The following NEURL1B variants were observed in gnomAD, a reference collection of about 807,000 sequenced individuals.
NEURL1B encodes E3 ubiquitin-protein ligase NEURL1B.
NEURL1B carries 13 observed loss-of-function variants against 37.4 expected under a neutral mutation model. The ratio of observed to expected loss-of-function variants is 0.35; its 90% CI spans 0.23 to 0.55. The LOEUF (loss-of-function observed/expected upper bound fraction) is 0.55, where lower values mean the gene tolerates loss of function less well. NEURL1B is among the 20% of genes least tolerant of loss of function. NEURL1B has a pLI of 0.89. For missense variants in NEURL1B, 790 were observed against 879.2 expected (o/e 0.90, Z 1.28); for synonymous variants, 432 against 426.6 (o/e 1.01, Z -0.16).
chr5:172,641,557 G>T lies in NEURL1B; in HGVS notation c.31+120G>T. 1.1e-6 allele frequency: 1 copy of T among 883,112 alleles called. No individual in the cohort carries two copies. The allele number at this position is 883,112 out of a possible 1,614,324, so 54.7% of individuals were successfully genotyped here. On this transcript the variant is annotated intron_variant, in intron 1 of 4. Transcript: ENST00000369800. This position sits in a 1 kb window ranked among gnomAD's most constrained non-coding sequence, Gnocchi z 6.4. Reference sequence around the variant, plus strand: ...GGAGCCCTCGGCTCGCAGCGGGCTGGAGTCTCCGGTACCTCCCGGACCTCA... The same window carrying T: ...GGAGCCCTCGGCTCGCAGCGGGCTGTAGTCTCCGGTACCTCCCGGACCTCA...
At position 172,687,209 on chromosome 5, in the gene NEURL1B, T is replaced by A. The variant is rs1184107862; in HGVS notation, c.*284T>A. The A allele has an allele frequency of 2.9e-6, 1 of 346,482 alleles. No individual in the cohort carries two copies. The highest frequency in any genetic ancestry group is 4.0e-5 in the Admixed American group (1 of 24,850). The allele number at this position is 346,482 out of a possible 1,614,324, so 21.5% of individuals were successfully genotyped here. On this transcript the variant is annotated 3_prime_UTR_variant, in exon 5 of 5. Coordinates refer to ENST00000369800, the MANE Select transcript of NEURL1B (RefSeq NM_001142651.3). Reference sequence around the variant, plus strand: ...GTGACCTTTCAACTGGGAAACAGCGTCCTCTGTCTGTGCAATGCTTCTTGC... The same window carrying A: ...GTGACCTTTCAACTGGGAAACAGCGACCTCTGTCTGTGCAATGCTTCTTGC...
chr5:172,683,777 C>T lies in NEURL1B; in HGVS notation c.936C>T (p.Phe312=), dbSNP rs1268217339. 7.7e-7 allele frequency: 1 copy of T among 1,304,094 alleles called. No homozygotes were observed. Among genetic ancestry groups the T allele is most frequent in the Non-Finnish European group, 9.8e-7 (1 of 1,022,812 alleles). 80.8% of individuals were successfully genotyped at this position (1,304,094 alleles called of 1,614,324 possible). The change falls in exon 3 of 5, where the codon TTC becomes TTT. Residue 312 remains phenylalanine (F), a synonymous_variant. Transcript: ENST00000369800. The surrounding 1 kb of genome is among the most constrained non-coding windows in gnomAD (Gnocchi z 5.6). The part of the protein sequence containing the change: ...PRPDGGRTLV[F]SERPLRPGES... ...CCGACGGCGGCCGCACGCTGGTCTT[C>T]TCCGAGCGCCCGCTGCGGCCCGGCG...
In NEURL1B at chr5:172,651,023, CG is replaced by C. The variant is rs1173606533; in HGVS notation, c.31+9588del. On this transcript the variant is annotated intron_variant, in intron 1 of 4. Coordinates refer to ENST00000369800, the MANE Select transcript of NEURL1B (RefSeq NM_001142651.3). The stretch of plus-strand genomic sequence containing the variant: ...AATGAGTTAGGATGGAGCCTATGAT[CG>C]GAATGAGTCAGGGTGGAGTAGATAA... Among the ~76,000 whole-genome samples, 7 of 152,142 alleles carry C rather than the reference CG, an allele frequency of 4.6e-5. No homozygotes were observed. In the East Asian group the frequency reaches 1.2e-3, roughly 25 times the overall value.
intron 1 of NEURL1B, among the ~76,000 whole-genome samples, chr5:172,666,199 C>A (rs200542885): frequency 1.2e-4 from 13 of 106,762 alleles, no homozygotes; most frequent in African/African-American, 4.8e-4. Context: ...CCACCACCAC[C>A]AAAAAAAAAC....
intron 2 of NEURL1B, among the ~76,000 whole-genome samples, chr5:172,678,815 C>T (rs1389960601): frequency 6.6e-6 from 1 of 152,242 alleles, no homozygotes; most frequent in Non-Finnish European, 1.5e-5. Flanking sequence ...ATATGTTTCT[C>T]TGTCCCCAGT....
rs961292024 is a variant in NEURL1B at position 172,657,783 on chromosome 5, G to A, written c.32-12002G>A. ...GGCTGGATATTATCCAGGCCTGCCC[G>A]CAGTCATCCGGAGGCCTAAACCCCT... On this transcript the variant is annotated intron_variant, in intron 1 of 4. Transcript: ENST00000369800. The surrounding 1 kb of genome is among the most constrained non-coding windows in gnomAD (Gnocchi z 4.0). Among the ~76,000 whole-genome samples the A allele has an allele frequency of 2.6e-5, 4 of 152,162 alleles. No individual in the cohort carries two copies. Among genetic ancestry groups the A allele is most frequent in the African/African-American group, 4.8e-5 (2 of 41,426 alleles).
chr5:172,658,190 T>TAC (rs1184834410), intron 1 of NEURL1B, among the ~76,000 whole-genome samples: 62 of 152,266 alleles, frequency 4.1e-4, no homozygotes, highest in African/African-American at 1.5e-3. Flanking sequence ...CCCAGCTGTT[T>TAC]TCTCTTTATC....
chr5:172,678,284 T>C (rs1410915681), intron 2 of NEURL1B, among the ~76,000 whole-genome samples: 1 of 152,232 alleles, frequency 6.6e-6, no homozygotes, highest in Non-Finnish European at 1.5e-5. Flanking sequence ...AAAACAAGCC[T>C]GTGTCTGTCT....
rs1036039569 is a variant in NEURL1B at position 172,684,047 on chromosome 5, G to A, written c.1206G>A (p.Pro402=). 1.5e-6 allele frequency: 2 copies of A among 1,331,498 alleles called. No individual in the cohort carries two copies. The highest frequency in any genetic ancestry group is 1.9e-6 in the Non-Finnish European group (2 of 1,038,834). 82.5% of individuals were successfully genotyped at this position (1,331,498 alleles called of 1,614,324 possible). A position where few individuals can be genotyped will look rare whatever the true frequency, so the allele number is the denominator to read the frequency against. ...TGCTCCTGGGCATCAACGGGCGTCC[G>A]CGCGGCCGCCTGCTGTGCGTCGACA... ...GDVLLGINGR[P]RGRLLCVDTT... The change falls in exon 3 of 5, where the codon CCG becomes CCA. Residue 402 remains proline (P), a synonymous_variant. Coordinates refer to ENST00000369800, the MANE Select transcript of NEURL1B (RefSeq NM_001142651.3).
At chr5:172,663,829 T>TTTTTTTTTTTATTATTATTA (rs138220033) in intron 1 of NEURL1B, among the ~76,000 whole-genome samples, 4 of 140,826 alleles carry the variant, frequency 2.8e-5, no homozygotes, top group Admixed American at 7.2e-5. Context: ...GTTTTATTTG[T>TTTTTTTTTTTATTATTATTA]TTATTATTAT....
At chr5:172,649,813 C>G (rs1304913246) in intron 1 of NEURL1B, among the ~76,000 whole-genome samples, 2 of 152,220 alleles carry the variant, frequency 1.3e-5, no homozygotes, top group Non-Finnish European at 2.9e-5. Flanking sequence ...CACCCAGCCT[C>G]AGAACTTTCA....
At position 172,669,799 on chromosome 5, in the gene NEURL1B, G is replaced by A; in HGVS notation, c.46G>A (p.Ala16Thr). 2 of 1,276,592 alleles carry A rather than the reference G, an allele frequency of 1.6e-6. No homozygotes were observed. The highest frequency in any genetic ancestry group is 1.6e-5 in the African/African-American group (1 of 63,222). The allele number at this position is 1,276,592 out of a possible 1,614,324, so 79.1% of individuals were successfully genotyped here. A position where few individuals can be genotyped will look rare whatever the true frequency, so the allele number is the denominator to read the frequency against. ...HRTLPDPSPP[A>T]RLLATRPCCG... The stretch of plus-strand genomic sequence containing the variant: ...TCTTTCCGCAGACCCGAGCCCACCG[G>A]CGCGCCTCCTGGCCACCCGGCCGTG... The change falls in exon 2 of 5, where the codon GCG becomes ACG. Residue 16 changes from alanine (A) to threonine (T), a missense_variant. Physicochemically the swap from Ala to Thr is moderately conservative, Grantham distance 58 (BLOSUM62 0). This residue lies in a region of NEURL1B where 215 missense variants were observed against 309.2 expected (regional missense o/e 0.70). Coordinates refer to ENST00000369800, the MANE Select transcript of NEURL1B (RefSeq NM_001142651.3).
intron 2 of NEURL1B, among the ~76,000 whole-genome samples, chr5:172,680,070 T>C (rs1280988902): frequency 6.6e-6 from 1 of 152,216 alleles, no homozygotes; most frequent in Non-Finnish European, 1.5e-5. Context: ...TGTTCACCTC[T>C]GTTCACCCAG....
chr5:172,651,682 C>T (rs544592255), intron 1 of NEURL1B, among the ~76,000 whole-genome samples: 3 of 152,190 alleles, frequency 2.0e-5, no homozygotes, highest in South Asian at 2.1e-4. Flanking sequence ...GCATCTCCAG[C>T]GTAGTTAATA....
chr5:172,642,865 C>T (rs143177159), intron 1 of NEURL1B, among the ~76,000 whole-genome samples: 1 of 152,220 alleles, frequency 6.6e-6, no homozygotes, highest in Non-Finnish European at 1.5e-5. Context: ...AGAACCCACC[C>T]GCGGGTCAGG....
At position 172,669,985 on chromosome 5, in the gene NEURL1B, C is replaced by T. The variant is rs1267197540; in HGVS notation, c.232C>T (p.Leu78=). Residue 78 remains leucine (L), a synonymous_variant, in exon 2 of 5, where the codon CTG becomes TTG. Coordinates refer to ENST00000369800, the MANE Select transcript of NEURL1B (RefSeq NM_001142651.3). ...GVTFTQRPIR[L]YEQVRLRLVA... ...CACGTTCACGCAGCGGCCCATCCGGCTGTACGAGCAGGTGCGGCTGCGCCT... is the reference window on the plus strand; with the variant it reads ...CACGTTCACGCAGCGGCCCATCCGGTTGTACGAGCAGGTGCGGCTGCGCCT... 1 of 1,467,696 alleles carries T rather than the reference C, an allele frequency of 6.8e-7. No individual in the cohort carries two copies. The allele number at this position is 1,467,696 out of a possible 1,614,324, so 90.9% of individuals were successfully genotyped here.
chr5:172,656,853 G>T, intron 1 of NEURL1B: 1 of 601,758 alleles, frequency 1.7e-6, no homozygotes, highest in Non-Finnish European at 2.9e-6. Context: ...TGGGGATAAT[G>T]ACAGTCCCTC....
intron 1 of NEURL1B, among the ~76,000 whole-genome samples, chr5:172,648,525 G>A (rs547045946): frequency 3.2e-4 from 48 of 152,226 alleles, no homozygotes; most frequent in Admixed American, 1.1e-3. Flanking sequence ...TTGGGAGAAC[G>A]TAGGCACAGA....
In NEURL1B at chr5:172,683,865, A is replaced by C. The variant is rs1457188810; in HGVS notation, c.1024A>C (p.Ile342Leu). Residue 342 changes from isoleucine (I) to leucine (L), a missense_variant, in exon 3 of 5, where the codon ATC becomes CTC. Transcript: ENST00000369800. The surrounding 1 kb of genome is among the most constrained non-coding windows in gnomAD (Gnocchi z 5.6). ...LAAPGALAFG[I>L]TSCDPGVLRP... Reference sequence around the variant, plus strand: ...GGCGCCCGGCGCGCTGGCCTTCGGCATCACGTCGTGCGACCCGGGCGTGCT... The same window carrying C: ...GGCGCCCGGCGCGCTGGCCTTCGGCCTCACGTCGTGCGACCCGGGCGTGCT... 3 of 1,386,784 alleles carry C rather than the reference A, an allele frequency of 2.2e-6. No individual in the cohort carries two copies. The allele number at this position is 1,386,784 out of a possible 1,614,324, so 85.9% of individuals were successfully genotyped here. A position where few individuals can be genotyped will look rare whatever the true frequency, so the allele number is the denominator to read the frequency against.
Sources: gnomAD v4.1 joint callset for allele counts (sites outside exome capture counted in the v4.1 genomes callset) on GRCh38, gnomAD v4.1.1 for gene constraint, gnomAD v4.1.1 regional missense constraint, Gnocchi (gnomAD v3.1) non-coding constraint, MANE v1.5 for transcripts, NCBI Gene and HGNC (gene_info 2026-07-23, HGNC 2026-07-21) for gene names.